The following MTOR variants were observed in gnomAD, a reference collection of about 807,000 sequenced individuals.
MTOR encodes mechanistic target of rapamycin kinase, also known as serine/threonine-protein kinase mTOR.
Under a neutral mutation model 319.8 loss-of-function variants are expected in MTOR, and 70 were observed. That is an observed-to-expected ratio of 0.22 (90% CI 0.18 to 0.27). The LOEUF (loss-of-function observed/expected upper bound fraction) is 0.27. Ranked by LOEUF, MTOR falls within the 10% of genes least tolerant of loss-of-function variation. The pLI is 1.00. For missense variants in MTOR, 1,890 were observed against 3,274.4 expected, an observed-to-expected ratio of 0.58 and a Z score of 10.32; for synonymous variants, 1,183 against 1,211.4, an observed-to-expected ratio of 0.98 and a Z score of 0.49.
At chr1:11,177,078 A>G (rs1023656565) in intron 28 of MTOR, among the ~76,000 whole-genome samples, 1 of 152,166 alleles carries the variant, frequency 6.6e-6, no homozygotes, top group African/African-American at 2.4e-5. Context: ...GATGATGAAG[A>G]CAGTACCTCT....
chr1:11,258,028 T>C (rs1650643957), intron 3 of MTOR, among the ~76,000 whole-genome samples: 2 of 151,266 alleles, frequency 1.3e-5, no homozygotes, highest in Non-Finnish European at 1.5e-5. Flanking sequence ...GAGAATCGCT[T>C]GAACCCAGGA....
At chr1:11,208,871 A>G (rs1222441879) in intron 25 of MTOR, among the ~76,000 whole-genome samples, 1 of 152,226 alleles carries the variant, frequency 6.6e-6, no homozygotes, top group East Asian at 1.9e-4. Flanking sequence ...GAAATGCAGA[A>G]TATCAGGCCC....
chr1:11,114,136 C>T (rs1045411853), intron 53 of MTOR, among the ~76,000 whole-genome samples, 182 bp downstream of exon 53: 5 of 152,136 alleles, frequency 3.3e-5, no homozygotes, highest in Admixed American at 2.0e-4. Flanking sequence ...TTTATAACAG[C>T]GTGAGAACAG....
intron 19 of MTOR, chr1:11,226,476 C>T (rs1646841881): frequency 6.6e-6 from 1 of 152,122 alleles, no homozygotes; most frequent in East Asian, 1.9e-4. Flanking sequence ...TTATAGATTT[C>T]CACTATCACT....
At chr1:11,144,251 C>A (rs1643846865) in intron 34 of MTOR, among the ~76,000 whole-genome samples, 5 of 152,100 alleles carry the variant, frequency 3.3e-5, no homozygotes, top group African/African-American at 9.7e-5. Flanking sequence ...GATCCTGAGT[C>A]TCTCCCCAGA....
intron 19 of MTOR, among the ~76,000 whole-genome samples, chr1:11,228,237 GA>G (rs1169018346): frequency 6.6e-6 from 1 of 151,844 alleles, no homozygotes; most frequent in Non-Finnish European, 1.5e-5. Flanking sequence ...CGTCCAAGCT[GA>G]AGCACGGTGG....
intron 29 of MTOR, among the ~76,000 whole-genome samples, chr1:11,165,187 C>A (rs988268822): frequency 1.3e-5 from 2 of 152,148 alleles, no homozygotes; most frequent in African/African-American, 2.4e-5. Context: ...AAAACTGGCA[C>A]AAGACAGGGA....
intron 28 of MTOR, among the ~76,000 whole-genome samples, chr1:11,188,453 GATTT>G (rs1248473015): frequency 2.6e-5 from 4 of 152,152 alleles, no homozygotes; most frequent in Non-Finnish European, 5.9e-5. Flanking sequence ...TCTAGATATG[GATTT>G]ATTAGGTGAC....
intron 28 of MTOR, among the ~76,000 whole-genome samples, 195 bp from the exon 29 acceptor site, chr1:11,167,712 T>A (rs1470885424): frequency 6.6e-6 from 1 of 152,222 alleles, no homozygotes; most frequent in Non-Finnish European, 1.5e-5. Context: ...TGTGCTCTCC[T>A]CCCATGATTC....
chr1:11,172,728 G>A (rs1487001323), intron 28 of MTOR, among the ~76,000 whole-genome samples: 1 of 151,928 alleles, frequency 6.6e-6, no homozygotes, highest in Non-Finnish European at 1.5e-5. Context: ...AGTTAGTGGA[G>A]CGTGGTGGCG....
At chr1:11,215,844 C>A (rs1646452588) in intron 20 of MTOR, among the ~76,000 whole-genome samples, 1 of 152,178 alleles carries the variant, frequency 6.6e-6, no homozygotes, top group Admixed American at 6.5e-5. Flanking sequence ...GAAAAGCACC[C>A]TTGTGATATT....
rs1421197593 is a variant in MTOR at position 11,109,485 on chromosome 1, T to C, written c.7448-115A>G. 19 of 1,218,392 alleles carry C rather than the reference T, an allele frequency of 1.6e-5. No homozygotes were observed. The highest frequency in any genetic ancestry group is 2.1e-5 in the Non-Finnish European group (18 of 839,908). The allele number at this position is 1,218,392 out of a possible 1,614,324, so 75.5% of individuals were successfully genotyped here. A position where few individuals can be genotyped will look rare whatever the true frequency, so the allele number is the denominator to read the frequency against. ...TGTAAGTGTTAAGCAATCCTTCCTC[T>C]ATGTCCGTCTTTGTCCTCAGAATAT... On this transcript the variant is annotated intron_variant, in intron 55 of 57. Transcript: ENST00000361445. The surrounding 1 kb of genome is among the most constrained non-coding windows in gnomAD (Gnocchi z 4.0).
At chr1:11,122,378 A>G (rs1244251140) in intron 47 of MTOR, among the ~76,000 whole-genome samples, 1 of 147,246 alleles carries the variant, frequency 6.8e-6, no homozygotes, top group African/African-American at 2.5e-5. Context: ...TAATCTTTTT[A>G]TTTTTGGTAG....
Position 11,233,455 on chromosome 1 carries a change from A to G in MTOR, c.2364T>C (p.Pro788=). 2 of 1,614,140 alleles carry G rather than the reference A, an allele frequency of 1.2e-6. No homozygotes were observed. The highest frequency in any genetic ancestry group is 2.2e-5 in the South Asian group (2 of 91,086). The change falls in exon 15 of 58, where the codon CCT becomes CCC. Residue 788 remains proline, a synonymous_variant. Coordinates refer to ENST00000361445, the MANE Select transcript of MTOR (RefSeq NM_004958.4). ...ALILKLKDPD[P]DPNPGVINNV... ...TATTGATCACACCTGGGTTTGGATC[A>G]GGGTCTGGATCTTTCAGTTTCAAAA...
intron 25 of MTOR, among the ~76,000 whole-genome samples, chr1:11,208,044 T>C (rs1383627655): frequency 1.3e-5 from 2 of 152,162 alleles, no homozygotes; most frequent in East Asian, 1.9e-4. Context: ...GACGGCTGCC[T>C]GGTTGGAAGG....
intron 29 of MTOR, among the ~76,000 whole-genome samples, chr1:11,165,083 T>C (rs778786553): frequency 3.5e-4 from 54 of 152,162 alleles, no homozygotes; most frequent in Admixed American, 5.2e-4. Flanking sequence ...AATTAGGTAT[T>C]GATGGGGCGT....
rs1642128747 is a variant in MTOR at position 11,115,681 on chromosome 1, C to A, written c.7017-213G>T. On this transcript the variant is annotated intron_variant, in intron 50 of 57. Transcript: ENST00000361445. The surrounding 1 kb of genome is among the most constrained non-coding windows in gnomAD (Gnocchi z 4.5). Reference sequence around the variant, plus strand: ...GTTCCAGGCTGCTTCCATGCTACGACAGCAGAGCTGACTAGTTGTGACAGA... The same window carrying A: ...GTTCCAGGCTGCTTCCATGCTACGAAAGCAGAGCTGACTAGTTGTGACAGA... 2 of 531,596 alleles carry A rather than the reference C, an allele frequency of 3.8e-6. No homozygotes were observed. The highest frequency in any genetic ancestry group is 3.1e-5 in the Admixed American group (1 of 32,698). 32.9% of individuals were successfully genotyped at this position (531,596 alleles called of 1,614,324 possible). A position where few individuals can be genotyped will look rare whatever the true frequency, so the allele number is the denominator to read the frequency against.
Position 11,125,452 on chromosome 1 carries a change from TG to T in MTOR, c.6527-820del, listed in dbSNP as rs549684709. On this transcript the variant is annotated intron_variant, in intron 46 of 57. Transcript: ENST00000361445. Reference sequence around the variant, plus strand: ...CATTATTAAGAGCGAGAGGTGAGGCTGGGCGCGGTGGCTCACACCTGTAATC... The same window carrying T: ...CATTATTAAGAGCGAGAGGTGAGGCTGGCGCGGTGGCTCACACCTGTAATC... Among the ~76,000 whole-genome samples, 50 of 152,194 alleles carry T rather than the reference TG, an allele frequency of 3.3e-4. No homozygotes were observed. The South Asian group carries it at 8.3e-3, about 25-fold the overall frequency.
chr1:11,165,874 T>C (rs1644627374), intron 29 of MTOR, among the ~76,000 whole-genome samples: 1 of 152,224 alleles, frequency 6.6e-6, no homozygotes, highest in Admixed American at 6.5e-5. Flanking sequence ...CCAAACAGCA[T>C]GGTACTGGTA....
Sources: allele counts gnomAD v4.1 joint callset (sites outside exome capture counted in the v4.1 genomes callset), GRCh38; gene constraint gnomAD v4.1.1; non-coding constraint Gnocchi (gnomAD v3.1); transcripts MANE v1.5; gene names NCBI Gene and HGNC (gene_info 2026-07-23, HGNC 2026-07-21).